The following TBL1X variants were observed in gnomAD, a reference collection of about 807,000 sequenced individuals.
The protein encoded by TBL1X is F-box-like/WD repeat-containing protein TBL1X.
TBL1X carries 10 observed loss-of-function variants against 50.7 expected under a neutral mutation model. That is an observed-to-expected ratio of 0.20 (90% CI 0.12 to 0.33). TBL1X has a LOEUF of 0.33. TBL1X is among the 10% of genes least tolerant of loss of function. TBL1X has a pLI of 1.00. For synonymous variants in TBL1X, 190 were observed against 214.7 expected, an observed-to-expected ratio of 0.88 and a Z score of 1.01; for missense variants, 340 against 504.4, an observed-to-expected ratio of 0.67 and a Z score of 3.12.
chrX:9,468,535 C>T (rs1040879552), intron 1 of TBL1X, among the ~76,000 whole-genome samples: 1 of 111,330 alleles, frequency 9.0e-6, no homozygotes, highest in African/African-American at 3.3e-5. Flanking sequence ...TTGGCCCCCA[C>T]GTCCAAGTGA....
intron 5 of TBL1X, among the ~76,000 whole-genome samples, chrX:9,683,656 T>G (rs780493961): frequency 7.2e-5 from 8 of 111,523 alleles, no homozygotes; most frequent in Non-Finnish European, 1.3e-4. Flanking sequence ...AGCATGAGCT[T>G]CTGCACAGTC....
Position 9,603,899 on chromosome X carries a change from T to C in TBL1X, c.-130-36374T>C, listed in dbSNP as rs139356212. Among the ~76,000 whole-genome samples the C allele has an allele frequency of 3.1e-3, 346 of 111,117 alleles. 2 individuals are homozygous for C. Among genetic ancestry groups the C allele is most frequent in the African/African-American group, 9.8e-3 (301 of 30,596 alleles). On this transcript the variant is annotated intron_variant, in intron 2 of 17. Transcript: ENST00000645353. ...CACAGCACTTTCCTCTCTGCCTCGG[T>C]GACTACATGGCCTCCCTGGGTGTCT...
intron 12 of TBL1X, among the ~76,000 whole-genome samples, chrX:9,701,844 G>C (rs760960538): frequency 1.1e-4 from 12 of 111,580 alleles, no homozygotes; most frequent in Non-Finnish European, 1.5e-4. Flanking sequence ...TTGTAAACGA[G>C]AACGAAGAAA....
chrX:9,556,275 G>C (rs1353688586), intron 2 of TBL1X, among the ~76,000 whole-genome samples: 3 of 110,909 alleles, frequency 2.7e-5, no homozygotes, highest in African/African-American at 9.8e-5. Flanking sequence ...TGAGAATGCA[G>C]TGGTGGGGGA....
chrX:9,586,690 C>CAGG (rs2090100690), intron 2 of TBL1X, among the ~76,000 whole-genome samples: 2 of 111,855 alleles, frequency 1.8e-5, no homozygotes, highest in African/African-American at 6.5e-5. Flanking sequence ...GGCTTGAGGC[C>CAGG]AGGAATTCAA....
At chrX:9,622,683 G>C (rs910309775) in intron 2 of TBL1X, among the ~76,000 whole-genome samples, 18 of 111,484 alleles carry the variant, frequency 1.6e-4, no homozygotes, top group African/African-American at 5.2e-4. Context: ...TGTATTTTTA[G>C]TAGAGATGGG....
intron 5 of TBL1X, among the ~76,000 whole-genome samples, chrX:9,678,761 T>C (rs2083008693): frequency 8.9e-6 from 1 of 112,392 alleles, no homozygotes; most frequent in African/African-American, 3.2e-5. Flanking sequence ...AGTAGTACAC[T>C]GTATAACTCA....
chrX:9,545,765 A>G (rs2082239064), intron 2 of TBL1X, among the ~76,000 whole-genome samples: 1 of 111,189 alleles, frequency 9.0e-6, no homozygotes, highest in African/African-American at 3.3e-5. Context: ...CCTCATAATT[A>G]AACATATGAT....
chrX:9,568,599 TGTG>T (rs1357883088), intron 2 of TBL1X, among the ~76,000 whole-genome samples: 1 of 103,022 alleles, frequency 9.7e-6, no homozygotes, highest in Non-Finnish European at 2.0e-5. Flanking sequence ...TGCAGTGTGC[TGTG>T]TGTGTGTGTG....
At chrX:9,536,928 A>G (rs1233789970) in intron 2 of TBL1X, among the ~76,000 whole-genome samples, 2 of 112,185 alleles carry the variant, frequency 1.8e-5, no homozygotes, top group Non-Finnish European at 3.8e-5. Flanking sequence ...AGCGTTTACA[A>G]AAGGCTTTCT....
At chrX:9,514,486 G>A (rs779814709) in intron 2 of TBL1X, among the ~76,000 whole-genome samples, 23 of 112,053 alleles carry the variant, frequency 2.1e-4, no homozygotes, top group Non-Finnish European at 3.9e-4. Context: ...TGTCCCTTGG[G>A]TTTGCCATGT....
At chrX:9,539,163 A>G (rs2082203345) in intron 2 of TBL1X, among the ~76,000 whole-genome samples, 1 of 112,289 alleles carries the variant, frequency 8.9e-6, no homozygotes, top group Non-Finnish European at 1.9e-5. Context: ...CACATTGCAT[A>G]CTTGATTAAA....
intron 2 of TBL1X, among the ~76,000 whole-genome samples, chrX:9,603,966 C>T (rs2082569463): frequency 9.0e-6 from 1 of 111,632 alleles, no homozygotes; most frequent in Non-Finnish European, 1.9e-5. Flanking sequence ...GATTATGGCT[C>T]CACCCTGCTG....
At position 9,616,648 on chromosome X, in the gene TBL1X, GA is replaced by G. The variant is rs747795269; in HGVS notation, c.-130-23621del. 8.9e-5 allele frequency among the ~76,000 whole-genome samples: 10 copies of G among 112,269 alleles called. No homozygotes were observed. The South Asian group carries it at 3.7e-3, about 42-fold the overall frequency. ...TAATAACACGTTCTGACCCAATAAG[GA>G]AAATTTGCACTATGTTTTCCTACAG... On this transcript the variant is annotated intron_variant, in intron 2 of 17. Coordinates refer to ENST00000645353, the MANE Select transcript of TBL1X (RefSeq NM_005647.4).
At chrX:9,544,065 G>C (rs1162599728) in intron 2 of TBL1X, among the ~76,000 whole-genome samples, 1 of 111,985 alleles carries the variant, frequency 8.9e-6, no homozygotes, top group African/African-American at 3.3e-5. Flanking sequence ...GTTTTGCAAG[G>C]AGTTGGGGCA....
chrX:9,679,670 A>G (rs986854394), intron 5 of TBL1X, among the ~76,000 whole-genome samples: 2 of 111,807 alleles, frequency 1.8e-5, no homozygotes, highest in African/African-American at 6.5e-5. Flanking sequence ...TGGGCAGAAG[A>G]GATGTGTTCA....
chrX:9,568,281 A>C (rs777847544), intron 2 of TBL1X, among the ~76,000 whole-genome samples: 55 of 106,999 alleles, frequency 5.1e-4, no homozygotes, highest in African/African-American at 1.8e-3. Flanking sequence ...GTTGTGTTGC[A>C]TGTGTCTGTC....
chrX:9,524,331 AACC>A (rs2082122158), intron 2 of TBL1X, among the ~76,000 whole-genome samples: 1 of 111,758 alleles, frequency 8.9e-6, no homozygotes, highest in African/African-American at 3.3e-5. Context: ...CTGCACAGCC[AACC>A]TCCAGAACTC....
intron 5 of TBL1X, among the ~76,000 whole-genome samples, chrX:9,683,113 C>T (rs2083035744): frequency 1.8e-5 from 2 of 112,269 alleles, no homozygotes; most frequent in African/African-American, 6.5e-5. Context: ...CCTGCAGCAG[C>T]CTAGGCTTGC....
Sources: allele counts gnomAD v4.1 joint callset (sites outside exome capture counted in the v4.1 genomes callset), GRCh38; gene constraint gnomAD v4.1.1; transcripts MANE v1.5; gene names NCBI Gene and HGNC (gene_info 2026-07-23, HGNC 2026-07-21).